NPR3: variants seen among roughly 807,000 people sequenced by gnomAD.
NPR3 encodes natriuretic peptide receptor 3.
A neutral mutation model predicts 54.5 loss-of-function variants in NPR3; 34 were observed. The observed-to-expected ratio is 0.62, with a 90% CI of 0.47 to 0.83. NPR3 has a LOEUF of 0.83. Ranked by LOEUF, NPR3 falls within the 40% of genes least tolerant of loss-of-function variation. The pLI is 0.00. For missense variants in NPR3, 674 were observed against 720.8 expected (o/e 0.94, Z 0.74); for synonymous variants, 289 against 297.1 (o/e 0.97, Z 0.28).
intron 4 of NPR3, 121 bp from the exon 5 acceptor site, chr5:32,780,598 CTGA>C: frequency 1.4e-6 from 1 of 732,188 alleles, no homozygotes; most frequent in Non-Finnish European, 2.5e-6. Flanking sequence ...TGCTCAGAGT[CTGA>C]TGAGATTCCC....
At position 32,769,945 on chromosome 5, in the gene NPR3, A is replaced by G. The variant is rs937334709; in HGVS notation, c.1060-4763A>G. Among the ~76,000 whole-genome samples, 4 of 152,340 alleles carry G rather than the reference A, an allele frequency of 2.6e-5. No individual in the cohort carries two copies. In the East Asian group the frequency reaches 7.7e-4, roughly 29 times the overall value. The stretch of plus-strand genomic sequence containing the variant: ...TGCCACGGTTGGGAGCCAGGCTGTG[A>G]GCACCAACTCTTTGTGATCAGTTAG... On this transcript the variant is annotated intron_variant, in intron 3 of 7. Transcript: ENST00000265074.
rs937848555 is a variant in NPR3, at chr5:32,759,720, G to T, written c.1060-14988G>T. Among the ~76,000 whole-genome samples the T allele has an allele frequency of 3.3e-5, 5 of 152,126 alleles. No individual in the cohort carries two copies. In the East Asian group the frequency reaches 7.7e-4, roughly 23 times the overall value. ...TAGCATCAGTGGTCCTTACAATTTG[G>T]CATGTTTTTGCAGTGGCTGGTAGCA... is the stretch of plus-strand genomic sequence containing the variant. On this transcript the variant is annotated intron_variant, in intron 3 of 7. Coordinates refer to ENST00000265074, the MANE Select transcript of NPR3 (RefSeq NM_001204375.2).
At chr5:32,710,595 G>T, upstream of NPR3, 1 of 1,394,648 alleles carries the variant, frequency 7.2e-7, no homozygotes, top group East Asian at 2.9e-5. Context: ...GGGGGAGGGG[G>T]CTGGCGCGGG....
Position 32,693,621 on chromosome 5 carries a change from C to T in NPR3, c.100+4435C>T, listed in dbSNP as rs951038927. 5.3e-5 allele frequency among the ~76,000 whole-genome samples: 8 copies of T among 152,292 alleles called. No individual in the cohort carries two copies. The South Asian group carries it at 8.3e-4, about 16-fold the overall frequency. ...CATAGCATATTTGCCTGCTGTAACACGATTGGCTATCACACAGATTTAAAT... is the reference window on the plus strand; with the variant it reads ...CATAGCATATTTGCCTGCTGTAACATGATTGGCTATCACACAGATTTAAAT... On this transcript the variant is annotated intron_variant, in intron 1 of 5. Transcript: ENST00000509104.
At chr5:32,763,306 A>G (rs897201430) in intron 3 of NPR3, among the ~76,000 whole-genome samples, 15 of 151,406 alleles carry the variant, frequency 9.9e-5, no homozygotes, top group Non-Finnish European at 1.9e-4. Context: ...TTTATTTTTT[A>G]TTTATATTTA....
intron 3 of NPR3, among the ~76,000 whole-genome samples, chr5:32,742,946 T>C (rs1015766628): frequency 1.3e-5 from 2 of 152,232 alleles, no homozygotes; most frequent in Non-Finnish European, 2.9e-5. Context: ...ATGTTAGTAT[T>C]GCATTCATCG....
At chr5:32,731,109 A>G (rs564772690) in intron 2 of NPR3, among the ~76,000 whole-genome samples, 8 of 152,212 alleles carry the variant, frequency 5.3e-5, no homozygotes, top group Non-Finnish European at 1.2e-4. Flanking sequence ...CTCTCATTGC[A>G]TAATACCAGT....
chr5:32,752,493 G>T (rs6866384), intron 3 of NPR3, among the ~76,000 whole-genome samples: 18,825 of 152,128 alleles, frequency 0.12, 1,405 homozygotes, highest in African/African-American at 0.2. Flanking sequence ...AGACTGCAAG[G>T]CTGGGCTCTT....
At chr5:32,705,298 T>C (rs1450050517), upstream of NPR3, among the ~76,000 whole-genome samples, 2 of 152,214 alleles carry the variant, frequency 1.3e-5, no homozygotes, top group African/African-American at 4.8e-5. Flanking sequence ...CCACATCAAG[T>C]TTTGAGAAAA....
intron 3 of NPR3, among the ~76,000 whole-genome samples, chr5:32,749,267 A>G (rs1177341639): frequency 2.0e-5 from 3 of 152,130 alleles, no homozygotes; most frequent in African/African-American, 7.2e-5. Flanking sequence ...ACATTTGTTG[A>G]GATAAGGTTT....
At chr5:32,779,169 C>A (rs1341437933) in intron 4 of NPR3, among the ~76,000 whole-genome samples, 1 of 152,290 alleles carries the variant, frequency 6.6e-6, no homozygotes, top group African/African-American at 2.4e-5. Flanking sequence ...GAGGTTGGAA[C>A]TTTCCCTTGG....
chr5:32,707,608 C>T (rs973785115), upstream of NPR3, among the ~76,000 whole-genome samples: 4 of 152,196 alleles, frequency 2.6e-5, no homozygotes, highest in Admixed American at 2.6e-4. Flanking sequence ...TTCAACAATT[C>T]TGGCCTCAGA....
chr5:32,754,041 A>C (rs1465464571), intron 3 of NPR3, among the ~76,000 whole-genome samples: 2 of 152,210 alleles, frequency 1.3e-5, no homozygotes, highest in African/African-American at 4.8e-5. Context: ...CTGACAGGCC[A>C]CTGCCAGCTT....
intron 1 of NPR3, chr5:32,713,300 C>T (rs544572914): frequency 3.0e-6 from 3 of 985,432 alleles, no homozygotes; most frequent in South Asian, 9.4e-5. Flanking sequence ...ACCTGTCCCC[C>T]AAGTTTTCTC....
Position 32,782,939 on chromosome 5 carries a change from C to T in NPR3, c.1337C>T (p.Pro446Leu), listed in dbSNP as rs376501795. The T allele has an allele frequency of 6.2e-6, 10 of 1,611,146 alleles. No homozygotes were observed. The highest frequency in any genetic ancestry group is 1.3e-5 in the African/African-American group (1 of 74,806). The change falls in exon 6 of 8, where the codon CCG (proline) becomes CTG (leucine). Residue 446 changes from proline (P) to leucine (L), a missense_variant. Physicochemically the swap from Pro to Leu is moderately conservative, Grantham distance 98 (BLOSUM62 -3). Coordinates refer to ENST00000265074, the MANE Select transcript of NPR3 (RefSeq NM_001204375.2). The part of the protein sequence containing the change: ...FGKEGRFEMR[P>L]NVKYPWGPLK... ...AAAGAAGGTCGTTTTGAAATGCGGCCGAATGTCAAATATCCTTGGGGCCCT... is the reference window on the plus strand; with the variant it reads ...AAAGAAGGTCGTTTTGAAATGCGGCTGAATGTCAAATATCCTTGGGGCCCT...
chr5:32,702,336 C>G lies in NPR3; in HGVS notation c.100+13150C>G, dbSNP rs542684845. The stretch of plus-strand genomic sequence containing the variant: ...AGGTTAGTTACATATGTATACATGT[C>G]CCATGCTGGTGTGCTGCACCCAATA... On this transcript the variant is annotated intron_variant, in intron 1 of 5. Coordinates refer to the NPR3 transcript ENST00000509104. Among the ~76,000 whole-genome samples, 23 of 151,962 alleles carry G rather than the reference C, an allele frequency of 1.5e-4. 1 individual carries two copies. In the South Asian group the frequency reaches 4.8e-3, roughly 32 times the overall value.
Position 32,755,248 on chromosome 5 carries a change from T to C in NPR3, c.1059+16218T>C, listed in dbSNP as rs140654639. On this transcript the variant is annotated intron_variant, in intron 3 of 7. Transcript: ENST00000265074. ...TGTTGCCACACATATTATATTCATT[T>C]CGATCTTAGGTTATTTTTCCTTTTC... 6.0e-4 allele frequency among the ~76,000 whole-genome samples: 91 copies of C among 152,356 alleles called. 1 individual carries two copies. Among genetic ancestry groups the C allele is most frequent in the African/African-American group, 2.0e-3 (85 of 41,586 alleles).
chr5:32,707,513 T>G (rs1738027618), upstream of NPR3, among the ~76,000 whole-genome samples: 1 of 152,162 alleles, frequency 6.6e-6, no homozygotes, highest in African/African-American at 2.4e-5. Context: ...AAGAATGAAA[T>G]CTCAACACTG....
intron 2 of NPR3, among the ~76,000 whole-genome samples, chr5:32,736,183 A>C (rs1291199968): frequency 6.8e-6 from 1 of 146,784 alleles, no homozygotes; most frequent in East Asian, 2.0e-4. Flanking sequence ...GTGAGCTGAG[A>C]TCATGCCACT....
Sources: gnomAD v4.1 joint callset for allele counts (sites outside exome capture counted in the v4.1 genomes callset) on GRCh38, gnomAD v4.1.1 for gene constraint, MANE v1.5 for transcripts, NCBI Gene and HGNC (gene_info 2026-07-23, HGNC 2026-07-21) for gene names.